The following INPP5A variants were observed in gnomAD, a reference collection of about 807,000 sequenced individuals.
INPP5A encodes inositol polyphosphate-5-phosphatase A, also known as 43 kDa inositol polyphosphate 5-phophatase.
In INPP5A, 14 loss-of-function variants were observed where a neutral mutation model predicts 65.2. The ratio of observed to expected loss-of-function variants is 0.21; its 90% CI spans 0.14 to 0.34. The LOEUF (loss-of-function observed/expected upper bound fraction) is 0.34. Among genes scored for constraint, INPP5A ranks in the 10% least tolerant of loss-of-function variants. The pLI is 1.00. For missense variants in INPP5A, 431 were observed against 545.6 expected, an observed-to-expected ratio of 0.79 and a Z score of 2.09; for synonymous variants, 207 against 208.3, an observed-to-expected ratio of 0.99 and a Z score of 0.05.
chr10:132,648,454 G>C (rs1162177769), intron 3 of INPP5A, among the ~76,000 whole-genome samples: 1 of 152,258 alleles, frequency 6.6e-6, no homozygotes, highest in African/African-American at 2.4e-5. Context: ...GTGTGGACCA[G>C]TTCACTGGCT....
intron 1 of INPP5A, among the ~76,000 whole-genome samples, chr10:132,552,641 A>G (rs190928492): frequency 0.022 from 2,268 of 103,020 alleles, 41 homozygotes; most frequent in African/African-American, 0.042. Context: ...ATTGGTGAAC[A>G]CCTTCTCAGA....
chr10:132,761,025 T>G (rs1306523463), intron 11 of INPP5A, among the ~76,000 whole-genome samples: 2 of 152,234 alleles, frequency 1.3e-5, no homozygotes, highest in African/African-American at 4.8e-5. Flanking sequence ...AATACACACT[T>G]GGCAAAAGCA....
chr10:132,615,472 C>T (rs757381818), intron 2 of INPP5A, among the ~76,000 whole-genome samples: 10 of 152,192 alleles, frequency 6.6e-5, no homozygotes, highest in South Asian at 4.1e-4. Context: ...GGCCCGTGGC[C>T]GCTGCTCAGT....
At chr10:132,563,871 G>A (rs1380195948) in intron 1 of INPP5A, among the ~76,000 whole-genome samples, 1 of 152,142 alleles carries the variant, frequency 6.6e-6, no homozygotes, top group Non-Finnish European at 1.5e-5. Context: ...CCAGGGAGGC[G>A]TATTCACTTC....
chr10:132,631,027 A>G (rs772319646), intron 2 of INPP5A, among the ~76,000 whole-genome samples: 2 of 152,224 alleles, frequency 1.3e-5, no homozygotes, highest in African/African-American at 2.4e-5. Context: ...AGTCTCCCCA[A>G]AAAACCTCTA....
intron 5 of INPP5A, among the ~76,000 whole-genome samples, chr10:132,694,009 C>T (rs1467672017): frequency 1.3e-5 from 2 of 152,188 alleles, no homozygotes; most frequent in Non-Finnish European, 2.9e-5. Context: ...TTTAACTCAA[C>T]AGCACCATCA....
At chr10:132,578,041 T>C (rs1019875435) in intron 1 of INPP5A, among the ~76,000 whole-genome samples, 5 of 152,222 alleles carry the variant, frequency 3.3e-5, no homozygotes, top group African/African-American at 1.2e-4. Flanking sequence ...CACTCAAAAT[T>C]TGTTTTGAGA....
At chr10:132,578,197 A>G (rs553815166) in intron 1 of INPP5A, among the ~76,000 whole-genome samples, 1 of 152,252 alleles carries the variant, frequency 6.6e-6, no homozygotes, top group African/African-American at 2.4e-5. Context: ...ATAAAAATGA[A>G]CCCTCTCCTT....
intron 2 of INPP5A, among the ~76,000 whole-genome samples, chr10:132,620,233 C>T (rs572430242): frequency 6.6e-6 from 1 of 152,360 alleles, no homozygotes; most frequent in South Asian, 2.1e-4. Context: ...TCTGTTGGCA[C>T]TCGACTCCTT....
At chr10:132,595,735 G>A (rs990772901) in intron 1 of INPP5A, among the ~76,000 whole-genome samples, 5 of 152,030 alleles carry the variant, frequency 3.3e-5, no homozygotes, top group African/African-American at 1.2e-4. Flanking sequence ...TCTTTATTGA[G>A]GTGCCTTCTG....
rs1213682000 is a variant in INPP5A, at chr10:132,707,776, AGTGAGAGGCATCGGTGG to A, written c.475-515_475-499del. Among the ~76,000 whole-genome samples, 38 of 151,968 alleles carry A rather than the reference AGTGAGAGGCATCGGTGG, an allele frequency of 2.5e-4. No homozygotes were observed. The highest frequency in any genetic ancestry group is 4.0e-4 in the Non-Finnish European group (27 of 68,006). On this transcript the variant is annotated intron_variant, in intron 6 of 15. Transcript: ENST00000368594. The surrounding 1 kb of genome is among the most constrained non-coding windows in gnomAD (Gnocchi z 5.5). ...GTGGCTCTGCTAGGTGGTGGGGATC[AGTGAGAGGCATCGGTGG>A]GTGAGAGGCATCGGTGGGTGAACGG...
chr10:132,631,112 A>G (rs2072267318), intron 2 of INPP5A, among the ~76,000 whole-genome samples: 1 of 152,098 alleles, frequency 6.6e-6, no homozygotes, highest in Non-Finnish European at 1.5e-5. Context: ...GGGCCAAGGA[A>G]AGGCAGCTCC....
In INPP5A at chr10:132,545,294, C is replaced by T. The variant is rs1299839086; in HGVS notation, c.75+7123C>T. Among the ~76,000 whole-genome samples, 2 of 152,162 alleles carry T rather than the reference C, an allele frequency of 1.3e-5. No homozygotes were observed. Among genetic ancestry groups the T allele is most frequent in the African/African-American group, 4.8e-5 (2 of 41,430 alleles). ...GACCCAGGCCTGCCCCACCGTGAAG[C>T]ATCAAATTTAGAGCCCCTCTGTCCA... On this transcript the variant is annotated intron_variant, in intron 1 of 15. Transcript: ENST00000368594. This position sits in a 1 kb window ranked among gnomAD's most constrained non-coding sequence, Gnocchi z 4.6.
Position 132,726,846 on chromosome 10 carries a change from G to A in INPP5A, c.673G>A (p.Val225Ile). The A allele has an allele frequency of 1.9e-6, 3 of 1,608,172 alleles. No individual in the cohort carries two copies. The highest frequency in any genetic ancestry group is 2.6e-6 in the Non-Finnish European group (3 of 1,175,768). Reference protein sequence around the residue: ...DRIIDQRFEKVSYFVFGDFNF... With the variant: ...DRIIDQRFEKISYFVFGDFNF... ...AATCATTGATCAGCGATTCGAGAAG[G>A]TTTCCTACTTTGTATTTGGTGATTT... The change falls in exon 9 of 16, where the codon GTT becomes ATT. Residue 225 changes from valine (V) to isoleucine (I), a missense_variant. Physicochemically the swap from Val to Ile is conservative, Grantham distance 29. Coordinates refer to ENST00000368594, the MANE Select transcript of INPP5A (RefSeq NM_005539.5).
chr10:132,683,355 TA>T (rs1471877645), intron 4 of INPP5A, among the ~76,000 whole-genome samples: 1 of 152,212 alleles, frequency 6.6e-6, no homozygotes, highest in Non-Finnish European at 1.5e-5. Context: ...ATCTGTGTAT[TA>T]TATACATATG....
At chr10:132,721,786 C>G (rs1845888662) in intron 8 of INPP5A, among the ~76,000 whole-genome samples, 1 of 151,928 alleles carries the variant, frequency 6.6e-6, no homozygotes. Context: ...AGACGGCTGT[C>G]TTGCGGGTTC....
intron 12 of INPP5A, among the ~76,000 whole-genome samples, chr10:132,776,808 C>G (rs7918495): frequency 0.6 from 91,185 of 151,900 alleles, 28,044 homozygotes; most frequent in East Asian, 0.84. Flanking sequence ...CTTGCGTGTT[C>G]CAGACTCGGC....
At chr10:132,765,278 A>T (rs1042630046) in intron 11 of INPP5A, among the ~76,000 whole-genome samples, 1 of 152,202 alleles carries the variant, frequency 6.6e-6, no homozygotes, top group African/African-American at 2.4e-5. Context: ...CGTGCATGTG[A>T]GAATGAACAT....
chr10:132,728,292 C>T lies in INPP5A; in HGVS notation c.732+1387C>T, dbSNP rs186243611. On this transcript the variant is annotated intron_variant, in intron 9 of 15. Transcript: ENST00000368594. ...GCAGGGGCCCCGAAGTCCTTTCCAT[C>T]CCGCTGCTGTGCTTCCTTTCTCCTC... Among the ~76,000 whole-genome samples, 38 of 152,368 alleles carry T rather than the reference C, an allele frequency of 2.5e-4. No homozygotes were observed. The East Asian group carries it at 3.9e-3, about 15-fold the overall frequency.
Sources: allele counts gnomAD v4.1 joint callset (sites outside exome capture counted in the v4.1 genomes callset), GRCh38; gene constraint gnomAD v4.1.1; non-coding constraint Gnocchi (gnomAD v3.1); transcripts MANE v1.5; gene names NCBI Gene and HGNC (gene_info 2026-07-23, HGNC 2026-07-21).